Variants in FSTL5 observed in about 807,000 individuals in gnomAD.
The protein encoded by FSTL5 is follistatin-related protein 5.
In FSTL5, 62 loss-of-function variants were observed where a neutral mutation model predicts 89.1. That is an observed-to-expected ratio of 0.70 (90% confidence interval 0.57 to 0.86). The LOEUF (loss-of-function observed/expected upper bound fraction) is 0.86, where lower values mean the gene tolerates loss of function less well. Ranked by LOEUF, FSTL5 falls within the 40% of genes least tolerant of loss-of-function variation. The pLI is 0.00. For missense variants in FSTL5, 1,057 were observed against 1,001.6 expected, an observed-to-expected ratio of 1.06 and a Z score of -0.75; for synonymous variants, 383 against 346.2, an observed-to-expected ratio of 1.11 and a Z score of -1.18.
intron 15 of FSTL5, among the ~76,000 whole-genome samples, chr4:161,426,105 T>A (rs989749340): frequency 6.6e-6 from 1 of 152,172 alleles, no homozygotes; most frequent in Admixed American, 6.5e-5. Flanking sequence ...TTATTTATAC[T>A]GTGTAATTCA....
intron 3 of FSTL5, among the ~76,000 whole-genome samples, chr4:161,930,141 C>G (rs954867171): frequency 6.6e-6 from 1 of 151,786 alleles, no homozygotes; most frequent in African/African-American, 2.4e-5. Flanking sequence ...GTGTTTGTAG[C>G]ATTCTCTGGT....
intron 15 of FSTL5, among the ~76,000 whole-genome samples, chr4:161,391,764 G>A (rs1445991632): frequency 6.6e-6 from 1 of 152,146 alleles, no homozygotes; most frequent in Non-Finnish European, 1.5e-5. Flanking sequence ...GCCACATTTA[G>A]TAAAGATTTA....
chr4:161,541,659 C>T (rs1292350159), intron 9 of FSTL5, among the ~76,000 whole-genome samples: 4 of 151,720 alleles, frequency 2.6e-5, no homozygotes, highest in South Asian at 2.1e-4. Context: ...TATATATATC[C>T]ACTATTAAAG....
At chr4:161,929,796 A>G (rs1239781211) in intron 3 of FSTL5, among the ~76,000 whole-genome samples, 1 of 151,564 alleles carries the variant, frequency 6.6e-6, no homozygotes, top group Non-Finnish European at 1.5e-5. Context: ...TTCTGATTAA[A>G]GCAGGGGTGA....
At chr4:162,134,949 G>GT (rs1379200997) in intron 1 of FSTL5, among the ~76,000 whole-genome samples, 2 of 152,204 alleles carry the variant, frequency 1.3e-5, no homozygotes, top group Non-Finnish European at 2.9e-5. Context: ...TGCTAAACTG[G>GT]TGGGAATTGA....
chr4:161,703,573 C>A (rs746589070), intron 6 of FSTL5, among the ~76,000 whole-genome samples: 2 of 152,028 alleles, frequency 1.3e-5, no homozygotes, highest in Non-Finnish European at 2.9e-5. Context: ...ATGTGTAGAC[C>A]TTTATAATAA....
intron 11 of FSTL5, among the ~76,000 whole-genome samples, chr4:161,506,941 A>C (rs893283550): frequency 1.3e-5 from 2 of 152,194 alleles, no homozygotes; most frequent in Non-Finnish European, 2.9e-5. Context: ...ATTTAGAAAG[A>C]ATAAAAAAGG....
chr4:161,519,171 A>G (rs949305479), intron 10 of FSTL5, among the ~76,000 whole-genome samples: 5 of 152,176 alleles, frequency 3.3e-5, no homozygotes, highest in African/African-American at 9.7e-5. Flanking sequence ...TACTGTTTCA[A>G]CGTGGGAAGA....
chr4:161,575,236 G>A (rs1212023181), intron 8 of FSTL5, among the ~76,000 whole-genome samples: 1 of 152,036 alleles, frequency 6.6e-6, no homozygotes, highest in African/African-American at 2.4e-5. Flanking sequence ...TGTAGATTCC[G>A]GATATGAGAC....
intron 7 of FSTL5, among the ~76,000 whole-genome samples, chr4:161,626,149 T>A (rs1035466941): frequency 2.0e-5 from 3 of 152,136 alleles, no homozygotes; most frequent in Non-Finnish European, 2.9e-5. Flanking sequence ...TGAAGCTGAC[T>A]ACACTACACA....
At chr4:161,975,754 A>AAAAAT (rs201057312) in intron 3 of FSTL5, among the ~76,000 whole-genome samples, 16,596 of 134,742 alleles carry the variant, frequency 0.12, 1,166 homozygotes, top group African/African-American at 0.19. Context: ...AAAGTATAAT[A>AAAAAT]AAAATAAAAT....
chr4:161,537,515 A>G (rs530170111), intron 10 of FSTL5, among the ~76,000 whole-genome samples: 1 of 152,332 alleles, frequency 6.6e-6, no homozygotes, highest in Non-Finnish European at 1.5e-5. Flanking sequence ...ATCCATCCTC[A>G]GCATCCCCAC....
chr4:161,639,485 A>C (rs1713271695), intron 7 of FSTL5, among the ~76,000 whole-genome samples: 2 of 152,326 alleles, frequency 1.3e-5, no homozygotes, highest in South Asian at 4.1e-4. Flanking sequence ...CTACAAAAAC[A>C]TAAATTATTA....
chr4:162,030,651 G>A (rs190449630), intron 3 of FSTL5, among the ~76,000 whole-genome samples: 1 of 152,120 alleles, frequency 6.6e-6, no homozygotes, highest in African/African-American at 2.4e-5. Flanking sequence ...GCATGCAAGA[G>A]TGCAAGAGCA....
intron 2 of FSTL5, among the ~76,000 whole-genome samples, chr4:162,104,991 A>G (rs2111392869): frequency 6.6e-6 from 1 of 152,348 alleles, no homozygotes; most frequent in East Asian, 1.9e-4. Flanking sequence ...TAATTTTAAC[A>G]ATAAAAAAGC....
intron 15 of FSTL5, among the ~76,000 whole-genome samples, chr4:161,432,702 AG>A (rs1015603875): frequency 1.3e-5 from 2 of 151,926 alleles, no homozygotes; most frequent in African/African-American, 4.8e-5. Flanking sequence ...GGAAAAAAAA[AG>A]ATAAGACTCA....
intron 4 of FSTL5, among the ~76,000 whole-genome samples, chr4:161,911,840 A>C (rs548558211): frequency 6.6e-6 from 1 of 152,306 alleles, no homozygotes; most frequent in South Asian, 2.1e-4. Context: ...TTTTTTCGTC[A>C]TTCTGGAAAG....
At chr4:161,798,309 AC>A (rs1234168597) in intron 4 of FSTL5, among the ~76,000 whole-genome samples, 1 of 151,630 alleles carries the variant, frequency 6.6e-6, no homozygotes, top group African/African-American at 2.4e-5. Flanking sequence ...TTCCAAAAAA[AC>A]ATACTTTCTA....
chr4:161,466,818 T>C (rs1470965275), intron 13 of FSTL5, among the ~76,000 whole-genome samples: 1 of 152,178 alleles, frequency 6.6e-6, no homozygotes, highest in African/African-American at 2.4e-5. Flanking sequence ...AAAATGATAC[T>C]GATGTATTTG....
Sources: allele counts gnomAD v4.1 joint callset (sites outside exome capture counted in the v4.1 genomes callset), GRCh38; gene constraint gnomAD v4.1.1; transcripts MANE v1.5; gene names NCBI Gene and HGNC (gene_info 2026-07-23, HGNC 2026-07-21).